Variants in JPH1 observed in about 807,000 individuals in gnomAD.
JPH1 encodes the protein junctophilin-1.
In JPH1, 12 loss-of-function variants were observed where a neutral mutation model predicts 53.6. The ratio of observed to expected loss-of-function variants is 0.22; its 90% CI spans 0.14 to 0.36. The LOEUF (loss-of-function observed/expected upper bound fraction) is 0.36. Among genes scored for constraint, JPH1 ranks in the 10% least tolerant of loss-of-function variants. The pLI is 1.00. For synonymous variants in JPH1, 375 were observed against 363.8 expected, an observed-to-expected ratio of 1.03 and a Z score of -0.35; for missense variants, 808 against 905.5, an observed-to-expected ratio of 0.89 and a Z score of 1.38.
intron 2 of JPH1, among the ~76,000 whole-genome samples, chr8:74,277,031 C>T (rs552848075): frequency 1.3e-5 from 2 of 152,282 alleles, no homozygotes; most frequent in South Asian, 2.1e-4. Flanking sequence ...AAAAAACTTA[C>T]GAAGTTTCAA....
intron 3 of JPH1, among the ~76,000 whole-genome samples, chr8:74,245,550 C>G (rs751398051): frequency 8.5e-5 from 13 of 152,124 alleles, no homozygotes; most frequent in Non-Finnish European, 1.9e-4. Context: ...CTGTAAGCAT[C>G]TGAAAATTTA....
chr8:74,243,006 G>A (rs757626701), intron 4 of JPH1, among the ~76,000 whole-genome samples: 6 of 152,134 alleles, frequency 3.9e-5, no homozygotes, highest in African/African-American at 4.8e-5. Context: ...TGTATAGGAC[G>A]CTGGGGCATA....
rs116630106 is a variant in JPH1 at position 74,271,009 on chromosome 8, T to C, written c.1140-11506A>G. Among the ~76,000 whole-genome samples the C allele has an allele frequency of 5.0e-3, 756 of 152,256 alleles. 10 individuals are homozygous for C. The highest frequency in any genetic ancestry group is 0.017 in the African/African-American group (715 of 41,556). ...CTCCATTCCTTAGTGACAGATGCAA[T>C]AACTTGAATGGAACTACTCCTCACC... On this transcript the variant is annotated intron_variant, in intron 2 of 5. Coordinates refer to ENST00000342232, the MANE Select transcript of JPH1 (RefSeq NM_020647.4).
At chr8:74,280,282 C>T (rs184715153) in intron 2 of JPH1, among the ~76,000 whole-genome samples, 4 of 152,238 alleles carry the variant, frequency 2.6e-5, no homozygotes, top group African/African-American at 9.6e-5. Context: ...ATACAGGGTG[C>T]AAAGTACAAA....
rs1053292626 is a variant in JPH1 at position 74,234,922 on chromosome 8, A to T, written c.*2129T>A. The T allele has an allele frequency of 2.0e-5, 3 of 152,640 alleles. No individual in the cohort carries two copies. Among genetic ancestry groups the T allele is most frequent in the African/African-American group, 7.2e-5 (3 of 41,460 alleles). The allele number at this position is 152,640 out of a possible 1,614,324, so 9.5% of individuals were successfully genotyped here. On this transcript the variant is annotated 3_prime_UTR_variant, in exon 6 of 6. Transcript: ENST00000342232. ...TACAGTATAACAACCCATTAGAAAG[A>T]GCCTTCATGTAAAATACAGCTGTGC...
chr8:74,277,718 G>C (rs1806888624), intron 2 of JPH1, among the ~76,000 whole-genome samples: 1 of 152,148 alleles, frequency 6.6e-6, no homozygotes, highest in Non-Finnish European at 1.5e-5. Flanking sequence ...GCTAGACGAG[G>C]CTCACAGATG....
Position 74,259,376 on chromosome 8 carries a change from C to T in JPH1, c.1258+9G>A. The T allele has an allele frequency of 6.2e-7, 1 of 1,606,656 alleles. No individual in the cohort carries two copies. The highest frequency in any genetic ancestry group is 1.1e-5 in the South Asian group (1 of 90,762). On this transcript the variant is annotated intron_variant, in intron 3 of 5. Transcript: ENST00000342232. ...TCCTGCCTCACCCATCAAAGGAGCA[C>T]TGTTTTACCTGGTTGGTAGAAATCA...
At chr8:74,272,439 A>G (rs1806725744) in intron 2 of JPH1, among the ~76,000 whole-genome samples, 4 of 152,120 alleles carry the variant, frequency 2.6e-5, no homozygotes, top group Admixed American at 2.6e-4. Context: ...TCTCACTGGC[A>G]AAAGATCACT....
In JPH1 at chr8:74,244,678, C is replaced by A; in HGVS notation, c.1756G>T (p.Ala586Ser). ...SSSALVHKPS[A>S]NKWSPSKSVT... Reference sequence around the variant, plus strand: ...GATTTGGAGGGACTCCACTTGTTAGCGGATGGCTTGTGCACCAGTGCTGAG... The same window carrying A: ...GATTTGGAGGGACTCCACTTGTTAGAGGATGGCTTGTGCACCAGTGCTGAG... Residue 586 changes from alanine to serine, a missense_variant, in exon 4 of 6, where the codon GCT (alanine) becomes TCT (serine). Ala to Ser is a moderately conservative substitution (Grantham distance 99). Transcript: ENST00000342232. 6.2e-7 allele frequency: 1 copy of A among 1,614,134 alleles called. No individual in the cohort carries two copies. Among genetic ancestry groups the A allele is most frequent in the Non-Finnish European group, 8.5e-7 (1 of 1,180,040 alleles).
chr8:74,284,979 C>T (rs951095018), intron 2 of JPH1, among the ~76,000 whole-genome samples: 5 of 152,040 alleles, frequency 3.3e-5, no homozygotes, highest in Non-Finnish European at 5.9e-5. Flanking sequence ...CAGGTGCCAC[C>T]ACACCTGGCT....
chr8:74,287,695 C>T (rs1004490198), intron 2 of JPH1, among the ~76,000 whole-genome samples: 7 of 149,614 alleles, frequency 4.7e-5, no homozygotes, highest in African/African-American at 1.2e-4. Flanking sequence ...AGGCAGAAAG[C>T]GGAGACTTTT....
chr8:74,237,707 C>T (rs1482268616), intron 4 of JPH1, among the ~76,000 whole-genome samples: 4 of 152,228 alleles, frequency 2.6e-5, no homozygotes, highest in South Asian at 2.1e-4. Context: ...AGTTAGAACA[C>T]GAGAGCAAAA....
At chr8:74,291,188 C>T (rs1450474551) in intron 2 of JPH1, among the ~76,000 whole-genome samples, 1 of 152,264 alleles carries the variant, frequency 6.6e-6, no homozygotes, top group African/African-American at 2.4e-5. Flanking sequence ...ATCAGAGTGA[C>T]TAGGCAACCT....
chr8:74,245,514 A>G (rs1805836146), intron 3 of JPH1, among the ~76,000 whole-genome samples: 1 of 152,256 alleles, frequency 6.6e-6, no homozygotes, highest in Non-Finnish European at 1.5e-5. Context: ...GAAAGTGTAT[A>G]CTTGTACAAG....
intron 3 of JPH1, among the ~76,000 whole-genome samples, chr8:74,253,222 C>G (rs1373110852): frequency 1.3e-5 from 2 of 152,122 alleles, no homozygotes; most frequent in African/African-American, 4.8e-5. Context: ...CAAACTAGAA[C>G]TCAGGATTAA....
intron 2 of JPH1, among the ~76,000 whole-genome samples, chr8:74,286,814 G>C (rs182801427): frequency 1.4e-4 from 22 of 152,312 alleles, no homozygotes; most frequent in Admixed American, 7.9e-4. Context: ...GTTAAATGGT[G>C]TGTATGTTTG....
chr8:74,320,227 A>G lies in JPH1; in HGVS notation c.379+682T>C, dbSNP rs1315067763. ...GTCAGCAAAGACTGCTACTCTTTTA[A>G]GACCAATACTTTAAGAAACGGAATG... On this transcript the variant is annotated intron_variant, in intron 1 of 5. Coordinates refer to ENST00000342232, the MANE Select transcript of JPH1 (RefSeq NM_020647.4). The surrounding 1 kb of genome is among the most constrained non-coding windows in gnomAD (Gnocchi z 4.4). Among the ~76,000 whole-genome samples the G allele has an allele frequency of 6.6e-6, 1 of 152,226 alleles. No individual in the cohort carries two copies. Among genetic ancestry groups the G allele is most frequent in the Non-Finnish European group, 1.5e-5 (1 of 68,036 alleles).
chr8:74,292,419 C>A (rs931773851), intron 2 of JPH1, among the ~76,000 whole-genome samples: 5 of 152,186 alleles, frequency 3.3e-5, no homozygotes, highest in African/African-American at 1.2e-4. Context: ...CCATGAACTG[C>A]CACTAATACA....
At chr8:74,298,827 T>C (rs1458542353) in intron 2 of JPH1, among the ~76,000 whole-genome samples, 1 of 152,224 alleles carries the variant, frequency 6.6e-6, no homozygotes, top group Non-Finnish European at 1.5e-5. Context: ...ATTACCTTTC[T>C]GGATGTTTTT....
Sources: gnomAD v4.1 joint callset for allele counts (sites outside exome capture counted in the v4.1 genomes callset) on GRCh38, gnomAD v4.1.1 for gene constraint, Gnocchi (gnomAD v3.1) non-coding constraint, MANE v1.5 for transcripts, NCBI Gene and HGNC (gene_info 2026-07-23, HGNC 2026-07-21) for gene names.